PLXNA2: variants seen among roughly 807,000 people sequenced by gnomAD.
PLXNA2 encodes the protein plexin A2, also known as plexin-A2.
Under a neutral mutation model 193.5 loss-of-function variants are expected in PLXNA2, and 91 were observed. The observed-to-expected ratio is 0.47, with a 90% CI of 0.40 to 0.56. PLXNA2 has a LOEUF of 0.56. Ranked by LOEUF, PLXNA2 falls within the 20% of genes least tolerant of loss-of-function variation. PLXNA2 has a pLI of 0.00. For synonymous variants in PLXNA2, 997 were observed against 1,027.3 expected, an observed-to-expected ratio of 0.97 and a Z score of 0.56; for missense variants, 1,995 against 2,503.2, an observed-to-expected ratio of 0.80 and a Z score of 4.33.
In PLXNA2 at chr1:208,200,896, G is replaced by A. The variant is rs188784846; in HGVS notation, c.1371+9384C>T. Among the ~76,000 whole-genome samples the A allele has an allele frequency of 5.3e-3, 808 of 152,176 alleles. 20 individuals are homozygous for A. The highest frequency in any genetic ancestry group is 0.036 in the East Asian group (184 of 5,174). On this transcript the variant is annotated intron_variant, in intron 3 of 31. Transcript: ENST00000367033. ...GCTGGGATTACAGGCGTGAACAACC[G>A]CGCCTGGCCTCCAATCCTTCTTGAT...
Position 208,040,062 on chromosome 1 carries a change from G to C in PLXNA2, c.4287-4C>G. On this transcript the variant is annotated splice_region_variant and splice_polypyrimidine_tract_variant and intron_variant, in intron 22 of 31. Transcript: ENST00000367033. ...CTTTTCAGCCACAGACTCTGTCCTG[G>C]GGAAGGGACAAAGGGTAAGGGGCAG... 6.2e-7 allele frequency: 1 copy of C among 1,613,590 alleles called. No individual in the cohort carries two copies. The highest frequency in any genetic ancestry group is 8.5e-7 in the Non-Finnish European group (1 of 1,179,606).
At chr1:208,027,964 G>A (rs573619469) in intron 31 of PLXNA2, 45 bp downstream of exon 31, 3 of 1,508,714 alleles carry the variant, frequency 2.0e-6, no homozygotes, top group Non-Finnish European at 2.7e-6. Context: ...CAGGCTTCCT[G>A]CTCCTTGCCT....
intron 4 of PLXNA2, among the ~76,000 whole-genome samples, chr1:208,138,942 G>A (rs564413695): frequency 2.6e-4 from 39 of 152,288 alleles, no homozygotes; most frequent in African/African-American, 7.7e-4. Flanking sequence ...CAGAAGAATC[G>A]CTTTAACCCA....
At chr1:208,205,722 C>T (rs571284542) in intron 3 of PLXNA2, among the ~76,000 whole-genome samples, 1 of 152,312 alleles carries the variant, frequency 6.6e-6, no homozygotes, top group East Asian at 1.9e-4. Flanking sequence ...TTTCCACTGA[C>T]TAGGACCTCA....
intron 2 of PLXNA2, among the ~76,000 whole-genome samples, chr1:208,215,827 A>G (rs1456625467): frequency 6.6e-6 from 1 of 152,182 alleles, no homozygotes; most frequent in African/African-American, 2.4e-5. Flanking sequence ...CTTTGATGGC[A>G]GCACCATGAG....
chr1:208,097,512 C>G (rs1010854496), intron 6 of PLXNA2, among the ~76,000 whole-genome samples: 2 of 152,156 alleles, frequency 1.3e-5, no homozygotes, highest in African/African-American at 4.8e-5. Context: ...AGAGAAGTGG[C>G]CACCAACTGC....
chr1:208,234,824 G>A (rs1194115722), intron 1 of PLXNA2, among the ~76,000 whole-genome samples: 4 of 151,844 alleles, frequency 2.6e-5, no homozygotes, highest in African/African-American at 9.7e-5. Context: ...GAGTGTGGCG[G>A]GTGACGCTGG....
chr1:208,079,124 T>G, intron 12 of PLXNA2, 136 bp downstream of exon 12: 2 of 711,618 alleles, frequency 2.8e-6, no homozygotes, highest in Non-Finnish European at 4.7e-6. Context: ...ACGCGAGAGG[T>G]TTCCTACACC....
intron 4 of PLXNA2, among the ~76,000 whole-genome samples, chr1:208,130,660 A>G (rs1349173534): frequency 6.6e-6 from 1 of 152,106 alleles, no homozygotes; most frequent in Non-Finnish European, 1.5e-5. Context: ...ATGTGTGGTG[A>G]GTGACTCTTG....
intron 3 of PLXNA2, among the ~76,000 whole-genome samples, chr1:208,189,007 G>T (rs959927557): frequency 6.6e-6 from 1 of 152,192 alleles, no homozygotes; most frequent in Non-Finnish European, 1.5e-5. Context: ...TGCATGGCAG[G>T]TTCTCTATGA....
rs116820935 is a variant in PLXNA2, at chr1:208,031,892, C to T, written c.5056-133G>A. ...ACACGAGGCTGTGCAGGCAGTGTTG[C>T]GGGGTGGGGAAGGGTACTATTGGTT... On this transcript the variant is annotated intron_variant, in intron 28 of 31. Transcript: ENST00000367033. The T allele has an allele frequency of 4.4e-4, 553 of 1,262,272 alleles. 4 individuals carry two copies. In the African/African-American group the frequency reaches 7.2e-3, roughly 16 times the overall value. 78.2% of individuals were successfully genotyped at this position (1,262,272 alleles called of 1,614,324 possible).
chr1:208,156,225 C>T (rs1668937854), intron 3 of PLXNA2, among the ~76,000 whole-genome samples: 1 of 152,122 alleles, frequency 6.6e-6, no homozygotes, highest in African/African-American at 2.4e-5. Flanking sequence ...TTTAGACATC[C>T]TGACTATTAG....
intron 1 of PLXNA2, among the ~76,000 whole-genome samples, chr1:208,234,639 C>T (rs1370758035): frequency 6.6e-6 from 1 of 152,230 alleles, no homozygotes; most frequent in African/African-American, 2.4e-5. Context: ...CTGGACTCCA[C>T]TCCTGCTAAC....
intron 4 of PLXNA2, among the ~76,000 whole-genome samples, chr1:208,141,758 C>A (rs1044329648): frequency 6.6e-6 from 1 of 152,196 alleles, no homozygotes; most frequent in Non-Finnish European, 1.5e-5. Context: ...CTCCATCCAT[C>A]CCAGAGGGTG....
intron 3 of PLXNA2, among the ~76,000 whole-genome samples, chr1:208,148,251 G>T (rs114006187): frequency 0.019 from 2,916 of 152,076 alleles, 48 homozygotes; most frequent in Admixed American, 0.034. Flanking sequence ...ATTATTATTA[G>T]TAGTAGTAGC....
intron 4 of PLXNA2, among the ~76,000 whole-genome samples, chr1:208,129,436 G>A (rs569204475): frequency 1.6e-4 from 24 of 152,134 alleles, no homozygotes; most frequent in Non-Finnish European, 2.8e-4. Context: ...TAGGAAAGGT[G>A]GGTGGATTGA....
At chr1:208,035,108 A>T (rs1280164216) in intron 26 of PLXNA2, among the ~76,000 whole-genome samples, 1 of 152,148 alleles carries the variant, frequency 6.6e-6, no homozygotes, top group Non-Finnish European at 1.5e-5. Flanking sequence ...TCTACTGGAC[A>T]GCACTGGGCC....
intron 1 of PLXNA2, among the ~76,000 whole-genome samples, chr1:208,243,403 G>A (rs1672126084): frequency 6.6e-6 from 1 of 151,984 alleles, no homozygotes; most frequent in Admixed American, 6.6e-5. Context: ...GCTGCCGGCC[G>A]GGAAGCCCTC....
intron 4 of PLXNA2, among the ~76,000 whole-genome samples, chr1:208,134,190 G>A (rs1668238847): frequency 1.3e-5 from 2 of 152,094 alleles, no homozygotes; most frequent in African/African-American, 4.8e-5. Flanking sequence ...CTGATTAATA[G>A]GGTGGGTTTG....
Sources: gnomAD v4.1 joint callset for allele counts (sites outside exome capture counted in the v4.1 genomes callset) on GRCh38, gnomAD v4.1.1 for gene constraint, MANE v1.5 for transcripts, NCBI Gene and HGNC (gene_info 2026-07-23, HGNC 2026-07-21) for gene names.